COL25A1: variants seen among roughly 807,000 people sequenced by gnomAD.
COL25A1 encodes collagen alpha-1(XXV) chain.
COL25A1 carries 103 observed loss-of-function variants against 128.4 expected under a neutral mutation model. The ratio of observed to expected loss-of-function variants is 0.80; its 90% CI spans 0.68 to 0.94. The LOEUF (loss-of-function observed/expected upper bound fraction) is 0.94, where lower values mean the gene tolerates loss of function less well. COL25A1 is among the 40% of genes least tolerant of loss of function. The pLI is 0.00. For synonymous variants in COL25A1, 279 were observed against 277.2 expected (o/e 1.01, Z -0.06); for missense variants, 745 against 840.0 (o/e 0.89, Z 1.40).
chr4:109,060,693 A>AC (rs1761886548), intron 3 of COL25A1, among the ~76,000 whole-genome samples: 1 of 151,800 alleles, frequency 6.6e-6, no homozygotes, highest in African/African-American at 2.4e-5. Flanking sequence ...TTTTCAAAAA[A>AC]AAAAAAACAA....
intron 5 of COL25A1, among the ~76,000 whole-genome samples, chr4:109,029,477 T>C (rs752219503): frequency 2.0e-5 from 3 of 152,186 alleles, no homozygotes; most frequent in African/African-American, 7.2e-5. Flanking sequence ...CAGTAAAATA[T>C]GTTGAGAGAC....
chr4:109,194,663 T>G (rs1229523996), intron 3 of COL25A1, among the ~76,000 whole-genome samples: 3 of 152,172 alleles, frequency 2.0e-5, no homozygotes, highest in African/African-American at 7.2e-5. Context: ...AGATATATAC[T>G]TTGTTCTCAT....
chr4:109,237,621 C>CTT (rs543716898), intron 3 of COL25A1, among the ~76,000 whole-genome samples: 1 of 136,914 alleles, frequency 7.3e-6, no homozygotes, highest in Non-Finnish European at 1.6e-5. Context: ...TGATGGCAAT[C>CTT]TTTTTTTTTT....
intron 3 of COL25A1, among the ~76,000 whole-genome samples, chr4:109,203,939 A>G (rs1440073561): frequency 6.6e-6 from 1 of 152,216 alleles, no homozygotes; most frequent in Non-Finnish European, 1.5e-5. Context: ...AAGGGCAGGG[A>G]AGATACACTT....
In COL25A1 at chr4:109,235,270, G is replaced by A. The variant is rs113457730; in HGVS notation, c.367+65313C>T. On this transcript the variant is annotated intron_variant, in intron 3 of 37. Transcript: ENST00000399132. ...GCCAGAGTCAGTGACACCAGTTAGG[G>A]CTAACAAGAGACTGACAAAAAATTG... 1.1e-4 allele frequency among the ~76,000 whole-genome samples: 16 copies of A among 152,220 alleles called. No homozygotes were observed. In the East Asian group the frequency reaches 1.2e-3, roughly 11 times the overall value.
intron 3 of COL25A1, among the ~76,000 whole-genome samples, chr4:109,212,211 A>G (rs1777621860): frequency 6.6e-6 from 1 of 152,084 alleles, no homozygotes; most frequent in African/African-American, 2.4e-5. Flanking sequence ...GTGTGGCCTC[A>G]TCTGGGTAGT....
chr4:108,859,090 T>C (rs551707885), intron 24 of COL25A1, among the ~76,000 whole-genome samples: 1 of 152,280 alleles, frequency 6.6e-6, no homozygotes, highest in East Asian at 1.9e-4. Context: ...AAGAATTATA[T>C]GGTAGCAGTA....
intron 3 of COL25A1, among the ~76,000 whole-genome samples, chr4:109,099,722 G>C (rs1412456034): frequency 6.6e-6 from 1 of 151,190 alleles, no homozygotes; most frequent in East Asian, 1.9e-4. Context: ...TAAATAACTA[G>C]GAGAAAAAAT....
intron 5 of COL25A1, among the ~76,000 whole-genome samples, chr4:109,014,857 T>C (rs546122995): frequency 1.3e-5 from 2 of 152,310 alleles, no homozygotes; most frequent in East Asian, 3.9e-4. Context: ...GAAACTCTTA[T>C]CTAAAACTTG....
Position 108,918,177 on chromosome 4 carries a change from G to A in COL25A1, c.775C>T (p.Gln259Ter). The A allele has an allele frequency of 6.3e-7, 1 of 1,592,644 alleles. No individual in the cohort carries two copies. Among genetic ancestry groups the A allele is most frequent in the Non-Finnish European group, 8.6e-7 (1 of 1,166,304 alleles). The change falls in exon 13 of 38, where the codon CAA becomes TAA. Residue 259 changes from glutamine to a stop codon, truncating the protein, a stop_gained. Transcript: ENST00000399132. LOFTEE classifies it high-confidence loss of function. ...CAATATTCTATAGAACTCACCTTTT[G>A]CCCATTCATCCCTGGAATTCCAGGT... ...GAPGIPGMNG[Q>*]KGEPGLPGAV... is the part of the protein sequence containing the mutation.
chr4:108,987,005 G>A (rs1486443366), intron 6 of COL25A1, among the ~76,000 whole-genome samples: 1 of 152,148 alleles, frequency 6.6e-6, no homozygotes, highest in Non-Finnish European at 1.5e-5. Context: ...TTGAGGCTGG[G>A]TGATAGGTCT....
chr4:109,179,883 A>C (rs1005724008), intron 3 of COL25A1, among the ~76,000 whole-genome samples: 3 of 152,236 alleles, frequency 2.0e-5, no homozygotes, highest in Non-Finnish European at 4.4e-5. Flanking sequence ...GGGATTTTCC[A>C]TGAGCAAAGA....
intron 8 of COL25A1, among the ~76,000 whole-genome samples, chr4:108,960,918 T>C (rs1179954651): frequency 4.1e-5 from 6 of 144,788 alleles, no homozygotes; most frequent in African/African-American, 1.5e-4. Context: ...AATGATTTCC[T>C]TGCATGTTAA....
rs201870245 is a variant in COL25A1, at chr4:109,059,867, C to CT, written c.368-9689dup. 2.2e-3 allele frequency among the ~76,000 whole-genome samples: 329 copies of CT among 151,390 alleles called. 1 individual carries two copies. The highest frequency in any genetic ancestry group is 7.3e-3 in the African/African-American group (302 of 41,300). On this transcript the variant is annotated intron_variant, in intron 3 of 37. Coordinates refer to ENST00000399132, the MANE Select transcript of COL25A1 (RefSeq NM_198721.4). ...CATAGTTAAATGTTAAATGGATGAC[C>CT]TTTTTTTTTAAAGGCTGAAATAACA...
intron 6 of COL25A1, among the ~76,000 whole-genome samples, chr4:108,988,245 T>C (rs1262402837): frequency 1.3e-5 from 2 of 152,238 alleles, no homozygotes; most frequent in Non-Finnish European, 2.9e-5. Flanking sequence ...AATGTGTAGC[T>C]TTGTGCCTTA....
At chr4:109,221,488 C>T (rs904464057) in intron 3 of COL25A1, among the ~76,000 whole-genome samples, 1 of 152,150 alleles carries the variant, frequency 6.6e-6, no homozygotes, top group Non-Finnish European at 1.5e-5. Flanking sequence ...CACATCTGAA[C>T]CTAGCATGTT....
At chr4:109,083,673 AG>A (rs1173297203) in intron 3 of COL25A1, among the ~76,000 whole-genome samples, 2 of 151,892 alleles carry the variant, frequency 1.3e-5, no homozygotes, top group Non-Finnish European at 2.9e-5. Flanking sequence ...TATGTTAGCC[AG>A]GCTGGTCTCG....
rs1430645672 is a variant in COL25A1 at position 108,813,856 on chromosome 4, TCA to T, written c.*69_*70del. On this transcript the variant is annotated 3_prime_UTR_variant, in exon 38 of 38. Transcript: ENST00000399132. ...ATCTCAGACTTGTAAAATCTGCAAT[TCA>T]GTTTTCAACTATAAATATTAAAAAT... The T allele has an allele frequency of 2.5e-6, 3 of 1,206,998 alleles. No homozygotes were observed. Among genetic ancestry groups the T allele is most frequent in the Non-Finnish European group, 3.6e-6 (3 of 831,104 alleles). The allele number at this position is 1,206,998 out of a possible 1,614,324, so 74.8% of individuals were successfully genotyped here.
intron 10 of COL25A1, among the ~76,000 whole-genome samples, chr4:108,939,156 T>C: frequency 6.6e-6 from 1 of 152,228 alleles, no homozygotes; most frequent in East Asian, 1.9e-4. Context: ...ACCATCAAAA[T>C]GGTTTTAACT....
Sources: allele counts gnomAD v4.1 joint callset (sites outside exome capture counted in the v4.1 genomes callset), GRCh38; gene constraint gnomAD v4.1.1; transcripts MANE v1.5; gene names NCBI Gene and HGNC (gene_info 2026-07-23, HGNC 2026-07-21).